The following PTPRD variants were observed in gnomAD, a reference collection of about 807,000 sequenced individuals.
PTPRD encodes protein tyrosine phosphatase receptor type D.
In PTPRD, 34 loss-of-function variants were observed where a neutral mutation model predicts 214.5. The observed-to-expected ratio is 0.16, with a 90% CI of 0.12 to 0.21. PTPRD has a LOEUF of 0.21. PTPRD is among the 10% of genes least tolerant of loss of function. The probability of loss-of-function intolerance (pLI) is 1.00; values close to 1 mark genes in which losing one functional copy is unlikely to be tolerated. For missense variants in PTPRD, 2,545 were observed against 2,398.7 expected (o/e 1.06, Z -1.27); for synonymous variants, 1,128 against 845.7 (o/e 1.33, Z -5.79).
At chr9:9,545,807 G>C (rs1345496192) in intron 8 of PTPRD, among the ~76,000 whole-genome samples, 1 of 151,700 alleles carries the variant, frequency 6.6e-6, no homozygotes, top group Non-Finnish European at 1.5e-5. Flanking sequence ...ATAAACTTTA[G>C]AATTAGTTTA....
At chr9:8,640,823 C>T (rs2096560789) in intron 12 of PTPRD, among the ~76,000 whole-genome samples, 1 of 152,094 alleles carries the variant, frequency 6.6e-6, no homozygotes, top group South Asian at 2.1e-4. Context: ...TATATGTCAT[C>T]ATCCTATGAT....
At chr9:8,901,577 T>C (rs1007985124) in intron 11 of PTPRD, among the ~76,000 whole-genome samples, 1 of 152,222 alleles carries the variant, frequency 6.6e-6, no homozygotes, top group Non-Finnish European at 1.5e-5. Context: ...ATCCAAGCTC[T>C]CAGCAGTAAA....
At chr9:8,551,658 A>T (rs1421560894) in intron 14 of PTPRD, among the ~76,000 whole-genome samples, 1 of 152,238 alleles carries the variant, frequency 6.6e-6, no homozygotes, top group Non-Finnish European at 1.5e-5. Flanking sequence ...TTCATCATGA[A>T]GGAGAACCAT....
At chr9:8,861,905 G>A (rs1442040725) in intron 11 of PTPRD, 2 of 152,140 alleles carry the variant, frequency 1.3e-5, no homozygotes, top group African/African-American at 4.8e-5. Flanking sequence ...TTGACTTACT[G>A]CTAAATACAT....
intron 4 of PTPRD, among the ~76,000 whole-genome samples, chr9:9,963,328 A>G (rs966315790): frequency 6.6e-5 from 10 of 152,284 alleles, no homozygotes; most frequent in South Asian, 2.1e-4. Context: ...TTGGCACTCA[A>G]TAGATCCCTG....
At chr9:9,834,828 T>G (rs1015953373) in intron 5 of PTPRD, among the ~76,000 whole-genome samples, 1 of 152,046 alleles carries the variant, frequency 6.6e-6, no homozygotes, top group African/African-American at 2.4e-5. Flanking sequence ...AGCATATATT[T>G]AATTGATTGG....
chr9:9,171,081 T>C (rs75728142), intron 10 of PTPRD, among the ~76,000 whole-genome samples: 1 of 152,092 alleles, frequency 6.6e-6, no homozygotes, highest in African/African-American at 2.4e-5. Context: ...CAGAAAAATA[T>C]AAACATTACA....
At chr9:10,181,782 A>C (rs1055480430) in intron 3 of PTPRD, among the ~76,000 whole-genome samples, 2 of 151,524 alleles carry the variant, frequency 1.3e-5, no homozygotes, top group East Asian at 1.9e-4. Flanking sequence ...GAAAAAAAAA[A>C]CTGACCTCAT....
chr9:8,878,253 C>G (rs1483623616), intron 11 of PTPRD, among the ~76,000 whole-genome samples: 1 of 152,116 alleles, frequency 6.6e-6, no homozygotes, highest in Non-Finnish European at 1.5e-5. Flanking sequence ...CACAACATGT[C>G]CTTCTGTGTA....
chr9:10,323,313 C>T (rs1056702461), intron 3 of PTPRD, among the ~76,000 whole-genome samples: 5 of 127,574 alleles, frequency 3.9e-5, no homozygotes, highest in African/African-American at 1.5e-4. Flanking sequence ...CCATTCCCTT[C>T]CTCTTTTTCA....
At chr9:9,210,959 T>C (rs1284562705) in intron 9 of PTPRD, among the ~76,000 whole-genome samples, 1 of 152,094 alleles carries the variant, frequency 6.6e-6, no homozygotes, top group Admixed American at 6.5e-5. Flanking sequence ...TTTCTGAAAT[T>C]TCTTATTTTT....
chr9:9,197,326 G>A (rs1028453432), intron 9 of PTPRD, among the ~76,000 whole-genome samples: 6 of 152,138 alleles, frequency 3.9e-5, no homozygotes, highest in African/African-American at 1.4e-4. Context: ...ACGCTGCAGT[G>A]AACACTAAAC....
At chr9:8,870,408 C>G (rs1033807088) in intron 11 of PTPRD, among the ~76,000 whole-genome samples, 1 of 151,938 alleles carries the variant, frequency 6.6e-6, no homozygotes, top group Non-Finnish European at 1.5e-5. Flanking sequence ...GAATGAAATA[C>G]ACTTGACTAG....
chr9:8,841,440 A>T (rs1368980), intron 11 of PTPRD, among the ~76,000 whole-genome samples: 18,686 of 152,124 alleles, frequency 0.12, 1,373 homozygotes, highest in East Asian at 0.27. Flanking sequence ...TATTTTTTTT[A>T]ATTAAAAAAT....
chr9:10,516,951 C>G lies in PTPRD; in HGVS notation c.-600+95447G>C, dbSNP rs965390618. 3.3e-5 allele frequency among the ~76,000 whole-genome samples: 5 copies of G among 151,776 alleles called. No individual in the cohort carries two copies. In the East Asian group the frequency reaches 9.6e-4, roughly 29 times the overall value. On this transcript the variant is annotated intron_variant, in intron 2 of 45. Coordinates refer to ENST00000381196, the MANE Select transcript of PTPRD (RefSeq NM_002839.4). ...GCCTATATGTGTCTTTATGTTTGTA[C>G]CATACTGTTTTAATTACTGTAGCTT...
intron 4 of PTPRD, among the ~76,000 whole-genome samples, chr9:10,019,450 T>C (rs1438443313): frequency 1.3e-5 from 2 of 152,080 alleles, no homozygotes; most frequent in Admixed American, 1.3e-4. Context: ...GGATTATAAA[T>C]CATGCTGCTA....
At chr9:9,398,583 C>G (rs1361255951) in intron 8 of PTPRD, among the ~76,000 whole-genome samples, 1 of 151,862 alleles carries the variant, frequency 6.6e-6, no homozygotes, top group Non-Finnish European at 1.5e-5. Context: ...ACCCTATGAA[C>G]AAAACTTCTT....
Position 10,182,153 on chromosome 9 carries a change from G to A in PTPRD, c.-544-148363C>T, listed in dbSNP as rs201441477. On this transcript the variant is annotated intron_variant, in intron 3 of 45. Transcript: ENST00000381196. ...TGTGTGCCTGTAGTCCCAGCTATTC[G>A]GGAGGCTGAGGCAGGAGAATCGCTT... Among the ~76,000 whole-genome samples, 11 of 149,174 alleles carry A rather than the reference G, an allele frequency of 7.4e-5. No homozygotes were observed. In the East Asian group the frequency reaches 1.4e-3, roughly 19 times the overall value.
chr9:10,593,861 C>G (rs1054238104), intron 2 of PTPRD, among the ~76,000 whole-genome samples: 1 of 151,916 alleles, frequency 6.6e-6, no homozygotes, highest in Non-Finnish European at 1.5e-5. Context: ...CACAGGAAAT[C>G]TACAATTTCC....
Sources: allele counts gnomAD v4.1 joint callset (sites outside exome capture counted in the v4.1 genomes callset), GRCh38; gene constraint gnomAD v4.1.1; transcripts MANE v1.5; gene names NCBI Gene and HGNC (gene_info 2026-07-23, HGNC 2026-07-21).